Variants in DAGLA observed in about 807,000 individuals in gnomAD.
DAGLA encodes the protein diacylglycerol lipase-alpha.
A neutral mutation model predicts 102.6 loss-of-function variants in DAGLA; 22 were observed. That is an observed-to-expected ratio of 0.21 (90% confidence interval 0.15 to 0.31). DAGLA has a LOEUF of 0.31. Ranked by LOEUF, DAGLA falls within the 10% of genes least tolerant of loss-of-function variation. The pLI, the probability that DAGLA is intolerant of heterozygous loss-of-function variation, is 1.00. For missense variants in DAGLA, 927 were observed against 1,446.6 expected, an observed-to-expected ratio of 0.64 and a Z score of 5.83; for synonymous variants, 578 against 628.9, an observed-to-expected ratio of 0.92 and a Z score of 1.21.
At chr11:61,687,791 A>G (rs2064997365) in intron 1 of DAGLA, among the ~76,000 whole-genome samples, 2 of 152,342 alleles carry the variant, frequency 1.3e-5, no homozygotes, top group South Asian at 4.1e-4. Context: ...CAAGCTCAGT[A>G]CTTTTTGTAT....
chr11:61,708,390 T>C (rs987690572), intron 1 of DAGLA, among the ~76,000 whole-genome samples: 4 of 151,934 alleles, frequency 2.6e-5, no homozygotes, highest in African/African-American at 9.7e-5. Context: ...ACAACTTTTT[T>C]TTTTTTTTGA....
chr11:61,739,901 G>A (rs1703116744), intron 17 of DAGLA, among the ~76,000 whole-genome samples: 3 of 152,220 alleles, frequency 2.0e-5, no homozygotes, highest in Admixed American at 1.3e-4. Context: ...TCCAGTGTCA[G>A]CCCTTCCCTG....
rs2065277390 is a variant in DAGLA, at chr11:61,720,995, C to T, written c.307+105C>T. ...TGTTGCGAGCCAGGCCCTGTTTTAG[C>T]ACTGGGGTACAGCAGTGAACTAAGG... On this transcript the variant is annotated intron_variant, in intron 3 of 19. Transcript: ENST00000257215. 6 of 1,079,136 alleles carry T rather than the reference C, an allele frequency of 5.6e-6. No individual in the cohort carries two copies. In the East Asian group the frequency reaches 1.3e-4, roughly 23 times the overall value. 66.8% of individuals were successfully genotyped at this position (1,079,136 alleles called of 1,614,324 possible). A position where few individuals can be genotyped will look rare whatever the true frequency, so the allele number is the denominator to read the frequency against.
At chr11:61,719,449 C>A (rs1054095597) in intron 1 of DAGLA, among the ~76,000 whole-genome samples, 2 of 152,210 alleles carry the variant, frequency 1.3e-5, no homozygotes, top group African/African-American at 4.8e-5. Context: ...GTGGTGGGGA[C>A]TTCTGTCTGA....
chr11:61,745,625 G>A lies in DAGLA; in HGVS notation c.*1136G>A, dbSNP rs143627537. On this transcript the variant is annotated 3_prime_UTR_variant, in exon 20 of 20. Transcript: ENST00000257215. ...GGGCCTGGGGCTGGGAGCAGTCCCGGTTTAGCCTGAGGTCCCCATAGGGCT... is the reference window on the plus strand; with the variant it reads ...GGGCCTGGGGCTGGGAGCAGTCCCGATTTAGCCTGAGGTCCCCATAGGGCT... 6.1e-4 allele frequency: 93 copies of A among 152,748 alleles called. No individual in the cohort carries two copies. The highest frequency in any genetic ancestry group is 2.2e-3 in the African/African-American group (90 of 41,560). 9.5% of individuals were successfully genotyped at this position (152,748 alleles called of 1,614,324 possible). A position where few individuals can be genotyped will look rare whatever the true frequency, so the allele number is the denominator to read the frequency against.
Position 61,744,453 on chromosome 11 carries a change from C to T in DAGLA, c.3093C>T (p.Pro1031=), listed in dbSNP as rs375717690. Residue 1031 remains proline (P), a synonymous_variant, in exon 20 of 20, where the codon CCC becomes CCT. Coordinates refer to ENST00000257215, the MANE Select transcript of DAGLA (RefSeq NM_006133.3). ...CCCCCACTGGCCACGGAGCCAGCCC[C>T]GCCAAGCAAGATGAGCTGGTCATCT... ...TSTPTGHGAS[P]AKQDELVISA... 7.3e-5 allele frequency: 116 copies of T among 1,587,784 alleles called. No individual in the cohort carries two copies. The highest frequency in any genetic ancestry group is 4.8e-4 in the African/African-American group (36 of 74,400).
intron 1 of DAGLA, among the ~76,000 whole-genome samples, chr11:61,704,294 G>A (rs1252732550): frequency 6.6e-6 from 1 of 151,702 alleles, no homozygotes; most frequent in Non-Finnish European, 1.5e-5. Context: ...AATTTTTTAT[G>A]TTTTTGATAG....
In DAGLA at chr11:61,728,999, C is replaced by T; in HGVS notation, c.840C>T (p.Leu280=). 1.9e-6 allele frequency: 3 copies of T among 1,614,066 alleles called. No homozygotes were observed. Among genetic ancestry groups the T allele is most frequent in the Non-Finnish European group, 2.5e-6 (3 of 1,179,924 alleles). ...CCAGAAACACCAAGTACCTCGACCT[C>T]AAGAATTCAGTGAGTCAGACATCAA... The part of the protein sequence containing the change: ...PVTRNTKYLD[L]KNSQEMLRYK... The change falls in exon 8 of 20, where the codon CTC becomes CTT. Residue 280 remains leucine, a synonymous_variant. Transcript: ENST00000257215.
At position 61,723,401 on chromosome 11, in the gene DAGLA, C is replaced by A; in HGVS notation, c.410-33C>A. ...GTGAGCCAGAGAGGTGTCCCCAGCG[C>A]CCCTACCTAATGCCTCCCACTGCTG... On this transcript the variant is annotated intron_variant, in intron 4 of 19. Transcript: ENST00000257215. 4 of 1,602,730 alleles carry A rather than the reference C, an allele frequency of 2.5e-6. No individual in the cohort carries two copies. In the South Asian group the frequency reaches 4.4e-5, roughly 18 times the overall value.
At chr11:61,738,742 G>A (rs907287959) in intron 16 of DAGLA, among the ~76,000 whole-genome samples, 1 of 152,168 alleles carries the variant, frequency 6.6e-6, no homozygotes, top group African/African-American at 2.4e-5. Flanking sequence ...GGCCAGGTGG[G>A]GGTGGGGACA....
chr11:61,716,719 G>A (rs1565254845), intron 1 of DAGLA, among the ~76,000 whole-genome samples: 2 of 152,198 alleles, frequency 1.3e-5, no homozygotes, highest in African/African-American at 4.8e-5. Flanking sequence ...GCCATGGGGA[G>A]CCAGGAAGGT....
intron 6 of DAGLA, among the ~76,000 whole-genome samples, chr11:61,726,603 C>T (rs916973581): frequency 1.3e-5 from 2 of 152,186 alleles, no homozygotes; most frequent in South Asian, 2.1e-4. Context: ...AGGCAGGCCC[C>T]GGGATCATCC....
Position 61,684,343 on chromosome 11 carries a change from T to C in DAGLA, c.-45+3839T>C, listed in dbSNP as rs145717695. ...TTTTAGAACCGCGGAGCCCAGGACA[T>C]TGCAGGATGCGGTTACCTCCCCAGC... is the stretch of plus-strand genomic sequence containing the variant. On this transcript the variant is annotated intron_variant, in intron 1 of 19. Transcript: ENST00000257215. This position sits in a 1 kb window ranked among gnomAD's most constrained non-coding sequence, Gnocchi z 4.5. 4.8e-3 allele frequency among the ~76,000 whole-genome samples: 732 copies of C among 152,346 alleles called. 5 individuals are homozygous for C. Among genetic ancestry groups the C allele is most frequent in the African/African-American group, 0.016 (680 of 41,578 alleles).
At chr11:61,715,358 C>T (rs139984221) in intron 1 of DAGLA, among the ~76,000 whole-genome samples, 6 of 152,326 alleles carry the variant, frequency 3.9e-5, no homozygotes, top group Non-Finnish European at 7.3e-5. Flanking sequence ...CCATCTCTGG[C>T]CAGATGGGAA....
rs757886483 is a variant in DAGLA at position 61,744,088 on chromosome 11, G to A, written c.2728G>A (p.Val910Met). The change falls in exon 20 of 20, where the codon GTG (valine) becomes ATG (methionine). Residue 910 changes from valine to methionine, a missense_variant. By Grantham distance (21) the Val-to-Met change is conservative. This residue lies in a region of DAGLA where 434 missense variants were observed against 503.3 expected (regional missense o/e 0.86). Transcript: ENST00000257215. ...CCTGGGGGACTCGCCCAGTCCTCAG[G>A]TGCTGGAATTCGCCGAGTTCATCGA... is the stretch of plus-strand genomic sequence containing the variant. ...GRLGDSPSPQ[V>M]LEFAEFIDSL... 7 of 1,612,918 alleles carry A rather than the reference G, an allele frequency of 4.3e-6. No homozygotes were observed. The highest frequency in any genetic ancestry group is 5.1e-6 in the Non-Finnish European group (6 of 1,179,972).
chr11:61,726,018 C>A lies in DAGLA; in HGVS notation c.572C>A (p.Ala191Asp). 1.2e-6 allele frequency: 2 copies of A among 1,613,676 alleles called. No homozygotes were observed. The highest frequency in any genetic ancestry group is 1.7e-6 in the Non-Finnish European group (2 of 1,180,052). The change falls in exon 6 of 20, where the codon GCC becomes GAC. Residue 191 changes from alanine to aspartate, a missense_variant. This residue lies in a region of DAGLA where 231 missense variants were observed against 439.8 expected (regional missense o/e 0.53). Transcript: ENST00000257215. ...NLRHRLEEGQ[A>D]TSWSRRLKVF... is the part of the protein sequence containing the mutation. Reference sequence around the variant, plus strand: ...AGGCACCGCTTAGAGGAGGGTCAAGCCACCAGCTGGTCGCGCCGGCTCAAA... The same window carrying A: ...AGGCACCGCTTAGAGGAGGGTCAAGACACCAGCTGGTCGCGCCGGCTCAAA...
intron 1 of DAGLA, among the ~76,000 whole-genome samples, chr11:61,693,790 C>T (rs540201682): frequency 6.6e-6 from 1 of 152,362 alleles, no homozygotes; most frequent in South Asian, 2.1e-4. Flanking sequence ...ACCATCGCCT[C>T]CCTCACCTCC....
At position 61,684,885 on chromosome 11, in the gene DAGLA, G is replaced by A. The variant is rs1432507311; in HGVS notation, c.-45+4381G>A. ...TGGGAGTCGGAGGAGGCTGCCTTCA[G>A]GCTGTGGGAGGGCAGAGGGTGGGTT... On this transcript the variant is annotated intron_variant, in intron 1 of 19. Coordinates refer to ENST00000257215, the MANE Select transcript of DAGLA (RefSeq NM_006133.3). This position sits in a 1 kb window ranked among gnomAD's most constrained non-coding sequence, Gnocchi z 4.5. Among the ~76,000 whole-genome samples, 1 of 152,078 alleles carries A rather than the reference G, an allele frequency of 6.6e-6. No individual in the cohort carries two copies. The highest frequency in any genetic ancestry group is 2.4e-5 in the African/African-American group (1 of 41,392).
intron 1 of DAGLA, among the ~76,000 whole-genome samples, chr11:61,683,787 C>A (rs2064963918): frequency 6.6e-6 from 1 of 152,092 alleles, no homozygotes; most frequent in Non-Finnish European, 1.5e-5. Context: ...GGGAGCCCAG[C>A]CAGGTTAGCA....
Sources: allele counts gnomAD v4.1 joint callset (sites outside exome capture counted in the v4.1 genomes callset), GRCh38; gene constraint gnomAD v4.1.1; regional missense constraint gnomAD v4.1.1; non-coding constraint Gnocchi (gnomAD v3.1); transcripts MANE v1.5; gene names NCBI Gene and HGNC (gene_info 2026-07-23, HGNC 2026-07-21).